The following UNC5D variants were observed in gnomAD, a reference collection of about 807,000 sequenced individuals.
UNC5D encodes unc-5 netrin receptor D.
A neutral mutation model predicts 105.4 loss-of-function variants in UNC5D; 39 were observed. The ratio of observed to expected loss-of-function variants is 0.37; its 90% CI spans 0.29 to 0.48. The LOEUF is 0.48. UNC5D is among the 20% of genes least tolerant of loss of function. UNC5D has a pLI of 0.98. For synonymous variants in UNC5D, 452 were observed against 450.4 expected (o/e 1.00, Z -0.04); for missense variants, 991 against 1,202.4 (o/e 0.82, Z 2.60).
chr8:35,362,112 TA>T (rs1204071533), intron 1 of UNC5D, among the ~76,000 whole-genome samples: 1 of 152,156 alleles, frequency 6.6e-6, no homozygotes, highest in Non-Finnish European at 1.5e-5. Context: ...AAAATATTTA[TA>T]ATAGAGACAG....
intron 1 of UNC5D, among the ~76,000 whole-genome samples, chr8:35,538,398 TA>T (rs1563513947): frequency 0.023 from 443 of 19,134 alleles, 12 homozygotes; most frequent in African/African-American, 0.057. Flanking sequence ...AAAATAATTA[TA>T]TATATATATA....
intron 11 of UNC5D, among the ~76,000 whole-genome samples, chr8:35,739,020 C>A (rs1156998521): frequency 6.6e-6 from 1 of 152,180 alleles, no homozygotes; most frequent in African/African-American, 2.4e-5. Flanking sequence ...GAGAGAATCA[C>A]TGAGGAAAGA....
chr8:35,248,145 ATATATAATATATAAATATATAT>A (rs1339462984), intron 1 of UNC5D, among the ~76,000 whole-genome samples: 1 of 33,004 alleles, frequency 3.0e-5, no homozygotes, highest in African/African-American at 1.9e-4. Flanking sequence ...TATATAAAAT[ATATATAATATATAAATATATAT>A]TATATAATAT....
intron 1 of UNC5D, among the ~76,000 whole-genome samples, chr8:35,382,911 C>G (rs141068428): frequency 6.6e-6 from 1 of 152,108 alleles, no homozygotes; most frequent in Non-Finnish European, 1.5e-5. Context: ...TTAACGCTGT[C>G]GTCGTCTACT....
intron 16 of UNC5D, among the ~76,000 whole-genome samples, chr8:35,779,897 T>G (rs2131767019): frequency 6.6e-6 from 1 of 152,356 alleles, no homozygotes; most frequent in Middle Eastern, 3.4e-3. Context: ...CCCTCAGATC[T>G]TAACAGTACC....
chr8:35,688,149 AAAC>A (rs938947933), intron 7 of UNC5D, among the ~76,000 whole-genome samples: 2 of 144,410 alleles, frequency 1.4e-5, no homozygotes, highest in East Asian at 2.0e-4. Flanking sequence ...AAAAAAAACA[AAAC>A]AACAACAACA....
chr8:35,356,643 T>C (rs1801573657), intron 1 of UNC5D, among the ~76,000 whole-genome samples: 1 of 151,100 alleles, frequency 6.6e-6, no homozygotes. Flanking sequence ...TTTTTTTTCC[T>C]CTCCTTATTC....
intron 4 of UNC5D, among the ~76,000 whole-genome samples, chr8:35,650,574 T>A (rs1171287268): frequency 2.0e-5 from 3 of 152,160 alleles, no homozygotes; most frequent in African/African-American, 7.2e-5. Flanking sequence ...TTCAAGTGAT[T>A]CCCCTGCCTC....
intron 1 of UNC5D, among the ~76,000 whole-genome samples, chr8:35,394,775 C>T (rs1254346474): frequency 6.6e-6 from 1 of 152,072 alleles, no homozygotes; most frequent in Non-Finnish European, 1.5e-5. Flanking sequence ...AGAAGAGTTT[C>T]TATGTAAATA....
At chr8:35,565,137 A>T (rs1817246176) in intron 2 of UNC5D, among the ~76,000 whole-genome samples, 1 of 152,072 alleles carries the variant, frequency 6.6e-6, no homozygotes, top group South Asian at 2.1e-4. Flanking sequence ...CAAGTGGTAG[A>T]TCTACTTTAG....
chr8:35,759,092 A>T (rs1830640355), intron 13 of UNC5D, among the ~76,000 whole-genome samples: 1 of 152,178 alleles, frequency 6.6e-6, no homozygotes, highest in South Asian at 2.1e-4. Context: ...AACACAAATA[A>T]TAAAAAACAA....
chr8:35,561,180 A>G (rs1255073514), intron 2 of UNC5D, among the ~76,000 whole-genome samples: 2 of 152,140 alleles, frequency 1.3e-5, no homozygotes, highest in Non-Finnish European at 2.9e-5. Flanking sequence ...CACACCCCTA[A>G]CCACCATTTC....
In UNC5D at chr8:35,633,603, A is replaced by T. The variant is rs552034148; in HGVS notation, c.570+37946A>T. Among the ~76,000 whole-genome samples the T allele has an allele frequency of 3.5e-4, 54 of 152,266 alleles. 1 individual carries two copies. The highest frequency in any genetic ancestry group is 2.3e-3 in the South Asian group (11 of 4,820). ...TCTCTACAAAAAAAAAATTTTTTTT[A>T]AATTAGCAAGACATGGTGGCACATG... On this transcript the variant is annotated intron_variant, in intron 4 of 16. Coordinates refer to ENST00000404895, the MANE Select transcript of UNC5D (RefSeq NM_080872.4).
At position 35,525,814 on chromosome 8, in the gene UNC5D, T is replaced by C. The variant is rs776295502; in HGVS notation, c.104-23478T>C. ...TTAACTAACTTTTTTGTTTTAATTATACAGAAAAGCAATGTGTTACTTCAA... is the reference window on the plus strand; with the variant it reads ...TTAACTAACTTTTTTGTTTTAATTACACAGAAAAGCAATGTGTTACTTCAA... On this transcript the variant is annotated intron_variant, in intron 1 of 16. Transcript: ENST00000404895. The C allele has an allele frequency of 2.1e-6, 3 of 1,442,702 alleles. No individual in the cohort carries two copies. In the Admixed American group the frequency reaches 8.0e-5, roughly 38 times the overall value. The allele number at this position is 1,442,702 out of a possible 1,614,324, so 89.4% of individuals were successfully genotyped here.
chr8:35,269,224 A>G (rs1449547586), intron 1 of UNC5D, among the ~76,000 whole-genome samples: 1 of 152,208 alleles, frequency 6.6e-6, no homozygotes, highest in Non-Finnish European at 1.5e-5. Context: ...ACAAAAAATG[A>G]TATCTGGACT....
intron 1 of UNC5D, among the ~76,000 whole-genome samples, chr8:35,527,203 C>T (rs1033849670): frequency 6.6e-6 from 1 of 151,318 alleles, no homozygotes; most frequent in Non-Finnish European, 1.5e-5. Flanking sequence ...AGATTGATTT[C>T]CTTGTCTGGC....
At chr8:35,386,062 A>G (rs1282175532) in intron 1 of UNC5D, among the ~76,000 whole-genome samples, 1 of 152,200 alleles carries the variant, frequency 6.6e-6, no homozygotes, top group Non-Finnish European at 1.5e-5. Context: ...TTAAAATTTA[A>G]AGGAAACCAT....
chr8:35,487,134 C>T (rs1471779333), intron 1 of UNC5D, among the ~76,000 whole-genome samples: 1 of 152,196 alleles, frequency 6.6e-6, no homozygotes. Context: ...GGAACCTAAC[C>T]ATGGCTGCTG....
chr8:35,355,636 A>G, intron 1 of UNC5D, among the ~76,000 whole-genome samples: 1 of 152,038 alleles, frequency 6.6e-6, no homozygotes. Context: ...TCTCTTACTG[A>G]TGTGGTCTGA....
Sources: allele counts gnomAD v4.1 joint callset (sites outside exome capture counted in the v4.1 genomes callset), GRCh38; gene constraint gnomAD v4.1.1; transcripts MANE v1.5; gene names NCBI Gene and HGNC (gene_info 2026-07-23, HGNC 2026-07-21).